LDAH: variants seen among roughly 807,000 people sequenced by gnomAD.
The protein encoded by LDAH is lipid droplet-associated hydrolase.
In LDAH, 26 loss-of-function variants were observed where a neutral mutation model predicts 29.6. The observed-to-expected ratio is 0.88, with a 90% CI of 0.64 to 1.22. The LOEUF is 1.22. Ranked by LOEUF, LDAH falls within the 50% of genes most tolerant of loss-of-function variation. The pLI is 0.00. For synonymous variants in LDAH, 117 were observed against 133.0 expected (o/e 0.88, Z 0.83); for missense variants, 344 against 387.3 (o/e 0.89, Z 0.94).
Position 20,815,314 on chromosome 2 carries a change from C to T in LDAH, c.-3+7723G>A, listed in dbSNP as rs371015981. On this transcript the variant is annotated intron_variant, in intron 1 of 6. Coordinates refer to ENST00000237822, the MANE Select transcript of LDAH (RefSeq NM_021925.4). The stretch of plus-strand genomic sequence containing the variant: ...TGTAGGACAATAACAAATGACCTAA[C>T]ATTCATCCAATCAGAGTTTTAGAGG... Among the ~76,000 whole-genome samples the T allele has an allele frequency of 1.3e-3, 202 of 151,940 alleles. 3 individuals carry two copies. The South Asian group carries it at 0.037, about 28-fold the overall frequency.
At position 20,801,727 on chromosome 2, in the gene LDAH, C is replaced by T. The variant is rs187062499; in HGVS notation, c.-2-262G>A. 2.6e-5 allele frequency among the ~76,000 whole-genome samples: 4 copies of T among 152,114 alleles called. No homozygotes were observed. In the South Asian group the frequency reaches 6.2e-4, roughly 24 times the overall value. On this transcript the variant is annotated intron_variant, in intron 1 of 6. Transcript: ENST00000237822. Reference sequence around the variant, plus strand: ...ACTATAGAGGGGTTTGAGTCAAAACCGTAACTTCCACAAATTCCCTCTGCT... The same window carrying T: ...ACTATAGAGGGGTTTGAGTCAAAACTGTAACTTCCACAAATTCCCTCTGCT...
At chr2:20,732,954 C>T (rs746906950) in intron 5 of LDAH, among the ~76,000 whole-genome samples, 6 of 152,124 alleles carry the variant, frequency 3.9e-5, no homozygotes, top group Non-Finnish European at 8.8e-5. Context: ...CCTTCTGCCT[C>T]AGCCTTCCAA....
chr2:20,724,839 C>T (rs979391763), intron 5 of LDAH, among the ~76,000 whole-genome samples: 9 of 152,160 alleles, frequency 5.9e-5, no homozygotes, highest in African/African-American at 1.9e-4. Context: ...TTTGGTGGTA[C>T]GTAGCCTAGT....
At chr2:20,800,450 A>G (rs1332522581) in intron 2 of LDAH, among the ~76,000 whole-genome samples, 1 of 152,184 alleles carries the variant, frequency 6.6e-6, no homozygotes, top group Non-Finnish European at 1.5e-5. Flanking sequence ...CGAACTGGCA[A>G]TTCACAGAAT....
chr2:20,716,356 A>AGAAAAT (rs1665179939), intron 5 of LDAH, among the ~76,000 whole-genome samples: 2 of 151,918 alleles, frequency 1.3e-5, no homozygotes, highest in African/African-American at 4.8e-5. Flanking sequence ...GACTAGATTA[A>AGAAAAT]GAAAATGTGG....
chr2:20,801,584 G>C (rs1461560000), intron 1 of LDAH, 119 bp from the exon 2 acceptor site: 1 of 765,848 alleles, frequency 1.3e-6, no homozygotes, highest in East Asian at 2.6e-5. Context: ...AATGCCACAA[G>C]GACATCTGGG....
chr2:20,776,142 G>C (rs925528771), intron 3 of LDAH, among the ~76,000 whole-genome samples: 2 of 152,166 alleles, frequency 1.3e-5, no homozygotes, highest in Non-Finnish European at 2.9e-5. Flanking sequence ...TGACTTGCAA[G>C]GCATTGATGG....
At chr2:20,710,625 T>TAG (rs1332017288) in intron 5 of LDAH, among the ~76,000 whole-genome samples, 350 of 140,902 alleles carry the variant, frequency 2.5e-3, no homozygotes, top group African/African-American at 5.1e-3. Flanking sequence ...TATATAGATA[T>TAG]ATATATATAG....
At chr2:20,709,860 C>T (rs1388471091) in intron 5 of LDAH, among the ~76,000 whole-genome samples, 6 of 152,064 alleles carry the variant, frequency 3.9e-5, no homozygotes, top group African/African-American at 1.2e-4. Flanking sequence ...CATGAAAAAA[C>T]CCTGAAAACA....
At chr2:20,707,626 G>T (rs780348164) in intron 5 of LDAH, among the ~76,000 whole-genome samples, 1 of 152,220 alleles carries the variant, frequency 6.6e-6, no homozygotes, top group African/African-American at 2.4e-5. Context: ...ATTTCAGCTA[G>T]GTGCAGATCA....
chr2:20,742,793 C>CTTTTTT (rs71391767), intron 4 of LDAH, among the ~76,000 whole-genome samples: 3 of 114,406 alleles, frequency 2.6e-5, no homozygotes, highest in African/African-American at 6.1e-5. Context: ...TTTCTTTTTC[C>CTTTTTT]TTTTTTTTTT....
intron 5 of LDAH, among the ~76,000 whole-genome samples, chr2:20,703,566 G>C (rs1283739413): frequency 6.6e-6 from 1 of 152,232 alleles, no homozygotes; most frequent in Admixed American, 6.5e-5. Context: ...GAGCCAAGTG[G>C]TATCTAGAAC....
chr2:20,756,333 C>G (rs993684064), intron 4 of LDAH, among the ~76,000 whole-genome samples: 2 of 152,054 alleles, frequency 1.3e-5, no homozygotes, highest in Non-Finnish European at 2.9e-5. Flanking sequence ...CCGTGCCCAG[C>G]CTGGTGCCTC....
intron 4 of LDAH, among the ~76,000 whole-genome samples, chr2:20,773,273 CTAAAG>C (rs1217366121): frequency 1.3e-5 from 2 of 151,208 alleles, no homozygotes; most frequent in South Asian, 2.1e-4. Context: ...AGACTCAAAA[CTAAAG>C]TAGAGACTCA....
At chr2:20,819,130 G>A (rs1558509249) in intron 1 of LDAH, among the ~76,000 whole-genome samples, 1 of 152,132 alleles carries the variant, frequency 6.6e-6, no homozygotes, top group Non-Finnish European at 1.5e-5. Flanking sequence ...TGAACTTGCT[G>A]AATTATCTTT....
intron 1 of LDAH, among the ~76,000 whole-genome samples, chr2:20,807,370 G>T (rs1214874528): frequency 6.6e-6 from 1 of 152,032 alleles, no homozygotes; most frequent in Non-Finnish European, 1.5e-5. Context: ...CTCATTTTAT[G>T]CAATCAGCAA....
At chr2:20,788,327 T>G (rs1228028939) in intron 3 of LDAH, among the ~76,000 whole-genome samples, 1 of 152,190 alleles carries the variant, frequency 6.6e-6, no homozygotes, top group Non-Finnish European at 1.5e-5. Flanking sequence ...CTAATGTTTT[T>G]CAGAAAGTAT....
intron 6 of LDAH, among the ~76,000 whole-genome samples, chr2:20,696,234 T>C (rs1378131188): frequency 1.3e-5 from 2 of 152,170 alleles, no homozygotes; most frequent in Non-Finnish European, 2.9e-5. Context: ...TCAGAAGGAT[T>C]TGCATGCCCC....
chr2:20,789,893 A>G (rs1328105987), intron 3 of LDAH, among the ~76,000 whole-genome samples: 1 of 152,162 alleles, frequency 6.6e-6, no homozygotes, highest in African/African-American at 2.4e-5. Context: ...CAGTCTGTGG[A>G]AAAATTGTCT....
Sources: allele counts gnomAD v4.1 joint callset (sites outside exome capture counted in the v4.1 genomes callset), GRCh38; gene constraint gnomAD v4.1.1; transcripts MANE v1.5; gene names NCBI Gene and HGNC (gene_info 2026-07-23, HGNC 2026-07-21).